The following FAM120C variants were observed in gnomAD, a reference collection of about 807,000 sequenced individuals.
The protein encoded by FAM120C is constitutive coactivator of PPAR-gamma-like protein 2.
FAM120C carries 14 observed loss-of-function variants against 71.2 expected under a neutral mutation model. The observed-to-expected ratio is 0.20, with a 90% CI of 0.13 to 0.31. The LOEUF (loss-of-function observed/expected upper bound fraction) is 0.31, where lower values mean the gene tolerates loss of function less well. Among genes scored for constraint, FAM120C ranks in the 10% least tolerant of loss-of-function variants. The pLI is 1.00. For missense variants in FAM120C, 500 were observed against 879.0 expected (o/e 0.57, Z 5.45); for synonymous variants, 354 against 353.2 (o/e 1.00, Z -0.03).
At chrX:54,145,521 T>G (rs893356381) in intron 4 of FAM120C, among the ~76,000 whole-genome samples, 5 of 111,930 alleles carry the variant, frequency 4.5e-5, no homozygotes, top group East Asian at 2.8e-4. Context: ...CTTCTCAAAA[T>G]AAGACATTTA....
intron 15 of FAM120C, among the ~76,000 whole-genome samples, chrX:54,075,756 G>T (rs1193296244): frequency 1.8e-4 from 18 of 102,386 alleles, no homozygotes; most frequent in Non-Finnish European, 7.9e-5. Context: ...CCAAGATCAC[G>T]CCACTGCACT....
chrX:54,136,908 G>A (rs1557130671), intron 4 of FAM120C, among the ~76,000 whole-genome samples: 1 of 109,613 alleles, frequency 9.1e-6, no homozygotes, highest in Non-Finnish European at 1.9e-5. Flanking sequence ...AAAATAATTG[G>A]TGTCTTTCCT....
At chrX:54,084,180 ATT>A (rs2066782215) in intron 13 of FAM120C, among the ~76,000 whole-genome samples, 1 of 111,944 alleles carries the variant, frequency 8.9e-6, no homozygotes, top group Non-Finnish European at 1.9e-5. Flanking sequence ...CCTGGCTTAA[ATT>A]AAGGCTGTCT....
chrX:54,155,121 T>C (rs782581510), intron 3 of FAM120C, among the ~76,000 whole-genome samples: 2 of 111,656 alleles, frequency 1.8e-5, no homozygotes, highest in Non-Finnish European at 3.8e-5. Flanking sequence ...GGAGGACCAA[T>C]TGAGTCCGGG....
At chrX:54,131,663 C>G (rs1162027077) in intron 9 of FAM120C, among the ~76,000 whole-genome samples, 1 of 111,978 alleles carries the variant, frequency 8.9e-6, no homozygotes, top group Non-Finnish European at 1.9e-5. Context: ...GTCTCGAACT[C>G]CTGACCTCAG....
At chrX:54,167,521 G>C (rs951608425) in intron 1 of FAM120C, among the ~76,000 whole-genome samples, 1 of 111,236 alleles carries the variant, frequency 9.0e-6, no homozygotes, top group African/African-American at 3.3e-5. Context: ...AGGGGTTGAG[G>C]GCCTACTAAG....
chrX:54,150,956 C>T (rs1557132926), intron 4 of FAM120C, among the ~76,000 whole-genome samples: 1 of 110,626 alleles, frequency 9.0e-6, no homozygotes. Context: ...CTCAAGTGAT[C>T]CACCCACCTT....
intron 1 of FAM120C, among the ~76,000 whole-genome samples, chrX:54,176,432 CAAAAAAAAAAAA>C (rs1197918401): frequency 2.7e-5 from 1 of 36,402 alleles, no homozygotes; most frequent in African/African-American, 1.0e-4. Flanking sequence ...GACTCTGTCT[CAAAAAAAAAAAA>C]AAAAAAAGAG....
intron 10 of FAM120C, among the ~76,000 whole-genome samples, chrX:54,107,582 C>T (rs1414138440): frequency 2.8e-5 from 3 of 106,140 alleles, no homozygotes; most frequent in African/African-American, 6.9e-5. Flanking sequence ...TGCAATGACG[C>T]GATCATGGTT....
intron 1 of FAM120C, among the ~76,000 whole-genome samples, chrX:54,178,281 C>A (rs1050883848): frequency 4.5e-5 from 5 of 112,064 alleles, no homozygotes; most frequent in African/African-American, 1.3e-4. Flanking sequence ...TTAGCTTACA[C>A]ATTTGCCTTG....
At chrX:54,136,013 T>G (rs1240018008) in intron 5 of FAM120C, among the ~76,000 whole-genome samples, 1 of 109,166 alleles carries the variant, frequency 9.2e-6, no homozygotes, top group Non-Finnish European at 1.9e-5. Context: ...TTTTTTTTTT[T>G]TTGAGGTGGA....
At chrX:54,118,439 A>G (rs2066985073) in intron 9 of FAM120C, among the ~76,000 whole-genome samples, 1 of 110,270 alleles carries the variant, frequency 9.1e-6, no homozygotes. Context: ...CTGCATGAAA[A>G]TAAGTCTTTA....
In FAM120C at chrX:54,159,371, T is replaced by A; in HGVS notation, c.945A>T (p.Leu315=). ...CAGTCTTTTCTTTGGATGACCTACC[T>A]AGCAGTGCAGCAAATATGGGGAAAT... The part of the protein sequence containing the change: ...RMNFPIFAAL[L]GNHILPDEDL... Residue 315 remains leucine, a splice_region_variant and synonymous_variant, in exon 2 of 16, where the codon CTA becomes CTT. Transcript: ENST00000375180. 8.3e-7 allele frequency: 1 copy of A among 1,211,558 alleles called. No homozygotes were observed. Among genetic ancestry groups the A allele is most frequent in the Non-Finnish European group, 1.1e-6 (1 of 895,322 alleles).
chrX:54,083,275 C>T (rs1557121538), intron 13 of FAM120C, among the ~76,000 whole-genome samples: 1 of 109,653 alleles, frequency 9.1e-6, no homozygotes, highest in Non-Finnish European at 1.9e-5. Flanking sequence ...ACCAAATGAA[C>T]CCTTAACTCA....
chrX:54,139,894 C>T (rs1315701302), intron 4 of FAM120C, among the ~76,000 whole-genome samples: 1 of 111,086 alleles, frequency 9.0e-6, no homozygotes, highest in Non-Finnish European at 1.9e-5. Flanking sequence ...TTGCAGCGTG[C>T]ATGTACATAA....
At chrX:54,136,101 C>T (rs1031733013) in intron 5 of FAM120C, among the ~76,000 whole-genome samples, 1 of 109,579 alleles carries the variant, frequency 9.1e-6, no homozygotes, top group Non-Finnish European at 1.9e-5. Context: ...CGGGTTCAAG[C>T]GATTCTCCTG....
intron 1 of FAM120C, among the ~76,000 whole-genome samples, chrX:54,181,866 T>C (rs1557137416): frequency 8.9e-6 from 1 of 112,710 alleles, no homozygotes; most frequent in East Asian, 2.8e-4. Context: ...GTGTCTCACA[T>C]GTCTTTAAAA....
intron 1 of FAM120C, among the ~76,000 whole-genome samples, chrX:54,164,962 G>A (rs1792927150): frequency 9.0e-6 from 1 of 111,507 alleles, no homozygotes; most frequent in African/African-American, 3.3e-5. Flanking sequence ...CCTAATGAGT[G>A]TGAGGTAATA....
chrX:54,099,387 A>G (rs1211010776), intron 10 of FAM120C, among the ~76,000 whole-genome samples: 2 of 111,571 alleles, frequency 1.8e-5, no homozygotes, highest in African/African-American at 6.5e-5. Context: ...TATGGATACT[A>G]GGCCCTTATC....
Sources: allele counts gnomAD v4.1 joint callset (sites outside exome capture counted in the v4.1 genomes callset), GRCh38; gene constraint gnomAD v4.1.1; transcripts MANE v1.5; gene names NCBI Gene and HGNC (gene_info 2026-07-23, HGNC 2026-07-21).